The following SLC25A18 variants were observed in gnomAD, a reference collection of about 807,000 sequenced individuals.
SLC25A18 encodes the protein solute carrier family 25 member 18.
SLC25A18 carries 24 observed loss-of-function variants against 31.1 expected under a neutral mutation model. That is an observed-to-expected ratio of 0.77 (90% CI 0.56 to 1.08). The LOEUF (loss-of-function observed/expected upper bound fraction) is 1.08, where lower values mean the gene tolerates loss of function less well. Among genes scored for constraint, SLC25A18 ranks in the 50% least tolerant of loss-of-function variants. SLC25A18 has a pLI of 0.00. For synonymous variants in SLC25A18, 173 were observed against 161.9 expected, an observed-to-expected ratio of 1.07 and a Z score of -0.52; for missense variants, 371 against 418.5, an observed-to-expected ratio of 0.89 and a Z score of 0.99.
At chr22:17,589,544 C>T (rs760227616) in intron 9 of SLC25A18, 46 bp from the exon 10 acceptor site, 28 of 1,569,578 alleles carry the variant, frequency 1.8e-5, no homozygotes, top group Middle Eastern at 1.7e-4. Context: ...GGGAGGACAC[C>T]GAAAGTAAGC....
At chr22:17,580,112 C>CG in intron 3 of SLC25A18, 148 bp downstream of exon 3, 1 of 651,296 alleles carries the variant, frequency 1.5e-6, no homozygotes, top group East Asian at 2.8e-5. Context: ...TACACTACAT[C>CG]TACTGTGGCA....
intron 2 of SLC25A18, among the ~76,000 whole-genome samples, chr22:17,576,720 C>T (rs1425958404): frequency 6.6e-6 from 1 of 152,194 alleles, no homozygotes; most frequent in Non-Finnish European, 1.5e-5. Flanking sequence ...CGAAAGGGAA[C>T]TTCCGGGGCT....
chr22:17,572,380 G>A (rs2057113337), intron 2 of SLC25A18, among the ~76,000 whole-genome samples: 1 of 150,848 alleles, frequency 6.6e-6, no homozygotes, highest in Non-Finnish European at 1.5e-5. Context: ...AGCTACTCAG[G>A]AGGCTGAGGC....
chr22:17,581,670 G>T, intron 5 of SLC25A18: 1 of 523,616 alleles, frequency 1.9e-6, no homozygotes. Context: ...GCCTCTCTCT[G>T]CCTGGCTAGA....
chr22:17,587,675 T>G (rs535878095), intron 8 of SLC25A18, among the ~76,000 whole-genome samples: 1 of 152,310 alleles, frequency 6.6e-6, no homozygotes, highest in East Asian at 1.9e-4. Context: ...GCCTCGGACT[T>G]GCCTCTGGCA....
chr22:17,567,919 C>T (rs1016710402), intron 1 of SLC25A18, among the ~76,000 whole-genome samples: 1 of 151,918 alleles, frequency 6.6e-6, no homozygotes, highest in African/African-American at 2.4e-5. Flanking sequence ...GCAGTTTTGT[C>T]ACGAGAGTAT....
rs779373422 is a variant in SLC25A18, at chr22:17,590,176, G to A, written c.888G>A (p.Gly296=). ...CRALVIAPLF[G]IAQGVYFIGI... ...CACTGGTCATAGCACCTCTCTTTGG[G>A]ATTGCTCAAGGGGTCTATTTTATTG... Residue 296 remains glycine (G), a synonymous_variant, in exon 11 of 11, where the codon GGG becomes GGA. Coordinates refer to ENST00000327451, the MANE Select transcript of SLC25A18 (RefSeq NM_031481.3). 3 of 1,614,242 alleles carry A rather than the reference G, an allele frequency of 1.9e-6. No individual in the cohort carries two copies. The South Asian group carries it at 3.3e-5, about 18-fold the overall frequency.
Position 17,590,305 on chromosome 22 carries a change from G to A in SLC25A18, c.*69G>A. 1.3e-6 allele frequency: 2 copies of A among 1,599,274 alleles called. No homozygotes were observed. Among genetic ancestry groups the A allele is most frequent in the South Asian group, 2.2e-5 (2 of 89,800 alleles). The stretch of plus-strand genomic sequence containing the variant: ...AGCTGTTTCACTTAGCCTAGAGGGG[G>A]CAAGGGCAGGTGGGGCCACTCTGGC... On this transcript the variant is annotated 3_prime_UTR_variant, in exon 11 of 11. Transcript: ENST00000327451.
intron 7 of SLC25A18, among the ~76,000 whole-genome samples, chr22:17,584,446 GGAGAGAGAGA>G (rs60872688): frequency 5.3e-4 from 62 of 116,816 alleles, no homozygotes; most frequent in Non-Finnish European, 1.0e-3. Flanking sequence ...AAGGAAGGAA[GGAGAGAGAGA>G]GAGAGAGAGA....
intron 7 of SLC25A18, among the ~76,000 whole-genome samples, chr22:17,584,315 C>T (rs992858600): frequency 6.6e-6 from 1 of 150,820 alleles, no homozygotes; most frequent in South Asian, 2.1e-4. Context: ...ATGGCGTGAA[C>T]CTGGAAGGCA....
intron 2 of SLC25A18, among the ~76,000 whole-genome samples, chr22:17,576,030 C>A (rs1040226284): frequency 6.6e-6 from 1 of 152,004 alleles, no homozygotes; most frequent in African/African-American, 2.4e-5. Context: ...ACCCCAATAC[C>A]CCCTACACCC....
At chr22:17,567,841 T>C (rs2056976647) in intron 1 of SLC25A18, among the ~76,000 whole-genome samples, 1 of 151,330 alleles carries the variant, frequency 6.6e-6, no homozygotes, top group Non-Finnish European at 1.5e-5. Flanking sequence ...GAAATAGCAC[T>C]TGAATATAAA....
At chr22:17,586,667 T>A (rs145252387) in intron 7 of SLC25A18, among the ~76,000 whole-genome samples, 5,074 of 152,258 alleles carry the variant, frequency 0.033, 119 homozygotes, top group African/African-American at 0.066. Flanking sequence ...TAACCCCAGC[T>A]ACTAGGGAGG....
chr22:17,584,114 C>T lies in SLC25A18; in HGVS notation c.409+580C>T, dbSNP rs115899011. On this transcript the variant is annotated intron_variant, in intron 7 of 10. Coordinates refer to ENST00000327451, the MANE Select transcript of SLC25A18 (RefSeq NM_031481.3). ...TCCTAAAGATTTTAAGAAATGCCAG[C>T]TGGGTGCCGTGGCTCACGCCTGTAA... The T allele has an allele frequency of 3.0e-3, 3,002 of 984,486 alleles. 73 individuals are homozygous for T. The African/African-American group carries it at 0.049, about 16-fold the overall frequency. 61.0% of individuals were successfully genotyped at this position (984,486 alleles called of 1,614,324 possible).
intron 2 of SLC25A18, among the ~76,000 whole-genome samples, chr22:17,572,611 T>C (rs184481112): frequency 2.2e-3 from 330 of 150,974 alleles, no homozygotes; most frequent in Non-Finnish European, 3.8e-3. Flanking sequence ...CTTAGCAACA[T>C]GGCGAGACCC....
intron 3 of SLC25A18, 35 bp downstream of exon 3, chr22:17,579,999 C>G: frequency 6.2e-7 from 1 of 1,600,852 alleles, no homozygotes; most frequent in Non-Finnish European, 8.5e-7. Flanking sequence ...GGCCCTGGGC[C>G]CTGGGCCTGG....
At chr22:17,588,221 T>TG (rs1262738679) in intron 9 of SLC25A18, 142 bp downstream of exon 9, 1 of 915,876 alleles carries the variant, frequency 1.1e-6, no homozygotes, top group Non-Finnish European at 1.6e-6. Context: ...ATGGAGAAAG[T>TG]GGGTCCCAAG....
intron 6 of SLC25A18, among the ~76,000 whole-genome samples, chr22:17,583,151 A>T (rs2057427068): frequency 6.6e-6 from 1 of 152,302 alleles, no homozygotes; most frequent in South Asian, 2.1e-4. Context: ...TCCTGAAGGG[A>T]TCAAGGACAA....
chr22:17,564,686 A>G (rs538193106), intron 1 of SLC25A18, among the ~76,000 whole-genome samples: 6 of 152,088 alleles, frequency 3.9e-5, no homozygotes, highest in South Asian at 4.2e-4. Flanking sequence ...GTGAAACCCC[A>G]TCTATACTAA....
Sources: gnomAD v4.1 joint callset for allele counts (sites outside exome capture counted in the v4.1 genomes callset) on GRCh38, gnomAD v4.1.1 for gene constraint, MANE v1.5 for transcripts, NCBI Gene and HGNC (gene_info 2026-07-23, HGNC 2026-07-21) for gene names.